Variants in NHSL1 observed in about 807,000 individuals in gnomAD.
NHSL1 encodes the protein NHS like 1.
A neutral mutation model predicts 95.0 loss-of-function variants in NHSL1; 48 were observed. The ratio of observed to expected loss-of-function variants is 0.51; its 90% CI spans 0.40 to 0.64. The LOEUF is 0.64. Among genes scored for constraint, NHSL1 ranks in the 30% least tolerant of loss-of-function variants. The pLI is 0.00. For synonymous variants in NHSL1, 783 were observed against 833.9 expected, an observed-to-expected ratio of 0.94 and a Z score of 1.05; for missense variants, 1,971 against 2,077.7, an observed-to-expected ratio of 0.95 and a Z score of 1.00.
At chr6:138,542,501 T>C (rs2128325115) in intron 1 of NHSL1, among the ~76,000 whole-genome samples, 1 of 152,344 alleles carries the variant, frequency 6.6e-6, no homozygotes, top group Non-Finnish European at 1.5e-5. Flanking sequence ...TTTAAGAACT[T>C]TTATAGCTGT....
intron 1 of NHSL1, among the ~76,000 whole-genome samples, chr6:138,657,563 C>CA: frequency 6.6e-6 from 1 of 151,886 alleles, no homozygotes; most frequent in Non-Finnish European, 1.5e-5. Flanking sequence ...CCTGTAATCC[C>CA]AGCACTTTGG....
At position 138,430,581 on chromosome 6, in the gene NHSL1, G is replaced by A; in HGVS notation, c.3764C>T (p.Ala1255Val). 6.4e-7 allele frequency: 1 copy of A among 1,550,510 alleles called. No individual in the cohort carries two copies. Among genetic ancestry groups the A allele is most frequent in the Non-Finnish European group, 8.7e-7 (1 of 1,146,140 alleles). Residue 1255 changes from alanine (A) to valine (V), a missense_variant, in exon 6 of 8, where the codon GCC (alanine) becomes GTC (valine). This residue lies in a region of NHSL1 where 1,602 missense variants were observed against 1,654.5 expected (regional missense o/e 0.97). Coordinates refer to ENST00000343505, the MANE Select transcript of NHSL1 (RefSeq NM_001144060.2). This position sits in a 1 kb window ranked among gnomAD's most constrained non-coding sequence, Gnocchi z 4.7. ...ESSAAQAGSH[A>V]THPGTSVLEG... ...AAGAACCGAGGTGCCAGGGTGCGTG[G>A]CATGAGAGCCAGCTTGGGCTGCAGA...
chr6:138,685,735 T>A (rs1210059692), intron 1 of NHSL1, among the ~76,000 whole-genome samples: 1 of 151,888 alleles, frequency 6.6e-6, no homozygotes, highest in African/African-American at 2.4e-5. Context: ...CATAGAGTCA[T>A]GAAGAGTTTA....
chr6:138,504,668 G>T (rs911877714), intron 1 of NHSL1, among the ~76,000 whole-genome samples: 3 of 152,192 alleles, frequency 2.0e-5, no homozygotes, highest in Non-Finnish European at 2.9e-5. Flanking sequence ...TGGCAAGGGG[G>T]TCCCTGATGG....
At chr6:138,635,545 A>C (rs149520740) in intron 1 of NHSL1, among the ~76,000 whole-genome samples, 1 of 152,316 alleles carries the variant, frequency 6.6e-6, no homozygotes, top group East Asian at 1.9e-4. Flanking sequence ...TTTCCCAGTA[A>C]ACAAAAGCCC....
At chr6:138,610,017 G>T (rs954845745) in intron 1 of NHSL1, among the ~76,000 whole-genome samples, 3 of 152,004 alleles carry the variant, frequency 2.0e-5, no homozygotes, top group African/African-American at 7.2e-5. Flanking sequence ...AAGCCTGAGG[G>T]TTTACAGGAA....
chr6:138,608,559 T>C (rs567300307), intron 1 of NHSL1, among the ~76,000 whole-genome samples: 1 of 152,326 alleles, frequency 6.6e-6, no homozygotes, highest in African/African-American at 2.4e-5. Flanking sequence ...AGCACAAAAA[T>C]CCTTTCTTGA....
chr6:138,689,839 G>A (rs1426462161), intron 1 of NHSL1, among the ~76,000 whole-genome samples: 1 of 151,988 alleles, frequency 6.6e-6, no homozygotes, highest in Non-Finnish European at 1.5e-5. Context: ...GTAGAGACGG[G>A]GTTTCGCCAT....
rs551142187 is a variant in NHSL1, at chr6:138,663,366, G to A, written c.96+29110C>T. 2.0e-5 allele frequency among the ~76,000 whole-genome samples: 3 copies of A among 152,098 alleles called. No individual in the cohort carries two copies. The East Asian group carries it at 5.8e-4, about 29-fold the overall frequency. Reference sequence around the variant, plus strand: ...ACCTTAGATCGGGAGTTCGAGACCAGCCTGATCAACATGGAGAAACCCTGT... The same window carrying A: ...ACCTTAGATCGGGAGTTCGAGACCAACCTGATCAACATGGAGAAACCCTGT... On this transcript the variant is annotated intron_variant, in intron 1 of 3. Transcript: ENST00000491526.
chr6:138,668,430 C>T (rs977870296), intron 1 of NHSL1, among the ~76,000 whole-genome samples: 23 of 151,672 alleles, frequency 1.5e-4, no homozygotes, highest in African/African-American at 5.3e-4. Context: ...CCAACAAGAG[C>T]GAAACTCCAT....
At chr6:138,443,660 C>G (rs571200254) in intron 4 of NHSL1, among the ~76,000 whole-genome samples, 298 of 152,210 alleles carry the variant, frequency 2.0e-3, no homozygotes, top group Non-Finnish European at 3.6e-3. Context: ...AATCCTGTCT[C>G]TACCAAAAAT....
chr6:138,604,720 G>A (rs1306473086), intron 1 of NHSL1, among the ~76,000 whole-genome samples: 4 of 152,130 alleles, frequency 2.6e-5, no homozygotes, highest in Non-Finnish European at 5.9e-5. Context: ...CTGCCTCCTG[G>A]GTTCAAGCGA....
At chr6:138,652,795 A>G (rs1785109809) in intron 1 of NHSL1, among the ~76,000 whole-genome samples, 1 of 152,254 alleles carries the variant, frequency 6.6e-6, no homozygotes, top group Non-Finnish European at 1.5e-5. Flanking sequence ...TTCACACTGT[A>G]GAAATATGAA....
chr6:138,500,857 A>G (rs1312707369), upstream of NHSL1, among the ~76,000 whole-genome samples: 1 of 152,250 alleles, frequency 6.6e-6, no homozygotes, highest in Non-Finnish European at 1.5e-5. Context: ...CATACATATT[A>G]TCACAGATTT....
chr6:138,551,627 G>A (rs1783006622), intron 1 of NHSL1, among the ~76,000 whole-genome samples: 1 of 152,074 alleles, frequency 6.6e-6, no homozygotes, highest in African/African-American at 2.4e-5. Flanking sequence ...TTTAATCTGG[G>A]TTTTTCTATA....
chr6:138,620,017 A>C (rs1476245835), intron 1 of NHSL1, among the ~76,000 whole-genome samples: 1 of 151,838 alleles, frequency 6.6e-6, no homozygotes, highest in Non-Finnish European at 1.5e-5. Flanking sequence ...AAACAAAACA[A>C]CCATAACCTA....
chr6:138,538,846 C>G (rs1051945353), intron 1 of NHSL1, among the ~76,000 whole-genome samples: 1 of 152,176 alleles, frequency 6.6e-6, no homozygotes, highest in Non-Finnish European at 1.5e-5. Flanking sequence ...ACTTGTGGCT[C>G]CTAAAGCTCA....
chr6:138,668,790 A>G (rs1785328432), intron 1 of NHSL1, among the ~76,000 whole-genome samples: 1 of 151,996 alleles, frequency 6.6e-6, no homozygotes, highest in African/African-American at 2.4e-5. Context: ...CATCCAGCTA[A>G]TTTTTGTATT....
In NHSL1 at chr6:138,639,479, A is replaced by C. The variant is rs1020639623; in HGVS notation, c.96+52997T>G. 4.6e-5 allele frequency among the ~76,000 whole-genome samples: 7 copies of C among 152,134 alleles called. No individual in the cohort carries two copies. In the East Asian group the frequency reaches 1.4e-3, roughly 29 times the overall value. The stretch of plus-strand genomic sequence containing the variant: ...CGGTGAAACCCCGTCTTCTACTAAA[A>C]ATACAAGAAAAAAAATAGCTGGGCA... On this transcript the variant is annotated intron_variant, in intron 1 of 3. Coordinates refer to the NHSL1 transcript ENST00000491526.
Sources: gnomAD v4.1 joint callset for allele counts (sites outside exome capture counted in the v4.1 genomes callset) on GRCh38, gnomAD v4.1.1 for gene constraint, gnomAD v4.1.1 regional missense constraint, Gnocchi (gnomAD v3.1) non-coding constraint, MANE v1.5 for transcripts, NCBI Gene and HGNC (gene_info 2026-07-23, HGNC 2026-07-21) for gene names.